The following PNOC variants were observed in gnomAD, a reference collection of about 807,000 sequenced individuals.
PNOC encodes the protein nociceptin.
PNOC carries 10 observed loss-of-function variants against 15.6 expected under a neutral mutation model. The observed-to-expected ratio is 0.64, with a 90% CI of 0.40 to 1.09. The LOEUF is 1.09. Ranked by LOEUF, PNOC falls within the 50% of genes least tolerant of loss-of-function variation. PNOC has a pLI of 0.01. For missense variants in PNOC, 220 were observed against 223.9 expected, an observed-to-expected ratio of 0.98 and a Z score of 0.11; for synonymous variants, 98 against 88.5, an observed-to-expected ratio of 1.11 and a Z score of -0.60.
At chr8:28,328,063 T>C (rs2645724) in intron 1 of PNOC, among the ~76,000 whole-genome samples, 22,799 of 99,200 alleles carry the variant, frequency 0.23, 1,152 homozygotes, top group Non-Finnish European at 0.32. Flanking sequence ...CTCTCTCTTT[T>C]TTTTTTTTTT....
intron 1 of PNOC, among the ~76,000 whole-genome samples, chr8:28,319,794 A>T (rs991231516): frequency 6.6e-6 from 1 of 152,316 alleles, no homozygotes; most frequent in East Asian, 1.9e-4. Context: ...TATCTTAGGA[A>T]AGGGACGGGC....
rs772357396 is a variant in PNOC at position 28,339,389 on chromosome 8, T to C, written c.476T>C (p.Leu159Pro). Residue 159 changes from leucine (L) to proline (P), a missense_variant, in exon 3 of 4, where the codon CTG (leucine) becomes CCG (proline). By Grantham distance (98) the Leu-to-Pro change is moderately conservative. Transcript: ENST00000301908. ...GAGTTTATGAGGCAATACTTGGTCC[T>C]GAGCATGCAGTCCAGCCAGCGCCGG... Reference protein sequence around the residue: ...FSEFMRQYLVLSMQSSQRRRT... With the variant: ...FSEFMRQYLVPSMQSSQRRRT... 3.2e-6 allele frequency: 5 copies of C among 1,575,078 alleles called. No individual in the cohort carries two copies. In the Admixed American group the frequency reaches 5.3e-5, roughly 17 times the overall value.
chr8:28,333,147 T>C (rs1801355318), intron 2 of PNOC, among the ~76,000 whole-genome samples: 2 of 152,214 alleles, frequency 1.3e-5, no homozygotes, highest in Non-Finnish European at 2.9e-5. Flanking sequence ...AGCTCCCAAA[T>C]GTCTCTTGGT....
intron 1 of PNOC, among the ~76,000 whole-genome samples, chr8:28,322,541 T>A (rs1022058255): frequency 6.6e-6 from 1 of 152,172 alleles, no homozygotes; most frequent in East Asian, 1.9e-4. Flanking sequence ...CCACTTCAAG[T>A]TACATCAGCT....
At chr8:28,319,527 A>G in intron 1 of PNOC, among the ~76,000 whole-genome samples, 1 of 152,200 alleles carries the variant, frequency 6.6e-6, no homozygotes, top group Non-Finnish European at 1.5e-5. Context: ...AAATGAGGGC[A>G]AAGGAATTAA....
intron 2 of PNOC, among the ~76,000 whole-genome samples, chr8:28,335,153 C>T (rs1801390834): frequency 6.6e-6 from 1 of 152,228 alleles, no homozygotes; most frequent in Admixed American, 6.5e-5. Context: ...CTGCCTGTCC[C>T]TTCCAGTCCA....
intron 1 of PNOC, among the ~76,000 whole-genome samples, chr8:28,318,671 G>A (rs1801099231): frequency 6.6e-6 from 1 of 152,194 alleles, no homozygotes; most frequent in Non-Finnish European, 1.5e-5. Flanking sequence ...GGCTTGCTGA[G>A]TCTTCTGCAG....
intron 1 of PNOC, among the ~76,000 whole-genome samples, 172 bp from the exon 2 acceptor site, chr8:28,328,963 G>A (rs528691922): frequency 8.5e-5 from 13 of 152,184 alleles, no homozygotes; most frequent in South Asian, 4.2e-4. Context: ...AGGCAGGGTC[G>A]CCTATGGCCT....
chr8:28,323,300 C>T (rs763082623), intron 1 of PNOC, among the ~76,000 whole-genome samples: 3 of 152,174 alleles, frequency 2.0e-5, no homozygotes, highest in East Asian at 1.9e-4. Context: ...CAATATGAGA[C>T]GCTCAGAATA....
At chr8:28,317,506 G>C (rs770166101) in intron 1 of PNOC, among the ~76,000 whole-genome samples, 190 bp downstream of exon 1, 21 of 152,202 alleles carry the variant, frequency 1.4e-4, no homozygotes, top group Non-Finnish European at 2.2e-4. Context: ...GTGGGGAACG[G>C]GGGAGGGCTG....
chr8:28,341,932 CT>C (rs1563332836), intron 3 of PNOC, among the ~76,000 whole-genome samples: 8 of 152,196 alleles, frequency 5.3e-5, no homozygotes, highest in Non-Finnish European at 1.0e-4. Flanking sequence ...ATGGAGATGT[CT>C]CCATCTTGGG....
At chr8:28,327,817 A>T (rs971245232) in intron 1 of PNOC, among the ~76,000 whole-genome samples, 1 of 151,760 alleles carries the variant, frequency 6.6e-6, no homozygotes, top group African/African-American at 2.4e-5. Context: ...TGCCCTGCCA[A>T]CAACAGAAAC....
chr8:28,339,450 A>C lies in PNOC; in HGVS notation c.*6A>C, dbSNP rs778910217. On this transcript the variant is annotated 3_prime_UTR_variant, in exon 3 of 4. Transcript: ENST00000301908. ...ACCAGAATGGTAATGTGTAGCCGGAAGGGGCGCTCCTCCCAGCTGTACCGG... is the reference window on the plus strand; with the variant it reads ...ACCAGAATGGTAATGTGTAGCCGGACGGGGCGCTCCTCCCAGCTGTACCGG... 2.0e-6 allele frequency: 3 copies of C among 1,523,232 alleles called. No individual in the cohort carries two copies. The Admixed American group carries it at 6.2e-5, about 32-fold the overall frequency. 94.4% of individuals were successfully genotyped at this position (1,523,232 alleles called of 1,614,324 possible).
chr8:28,326,456 G>A (rs1304305042), intron 1 of PNOC, among the ~76,000 whole-genome samples: 1 of 152,124 alleles, frequency 6.6e-6, no homozygotes, highest in Non-Finnish European at 1.5e-5. Context: ...AGAAGAACTG[G>A]GGTGGGCTCA....
intron 1 of PNOC, among the ~76,000 whole-genome samples, chr8:28,323,396 T>G (rs1479754516): frequency 6.6e-6 from 1 of 152,216 alleles, no homozygotes; most frequent in Non-Finnish European, 1.5e-5. Flanking sequence ...TCAGGTAACT[T>G]TTGATTTACT....
chr8:28,331,714 C>A (rs1269457942), intron 2 of PNOC, among the ~76,000 whole-genome samples: 1 of 152,206 alleles, frequency 6.6e-6, no homozygotes, highest in Admixed American at 6.5e-5. Context: ...GATTAAGTGT[C>A]CTCTGGTAAG....
chr8:28,335,788 C>A (rs1196244688), intron 2 of PNOC, among the ~76,000 whole-genome samples: 1 of 152,144 alleles, frequency 6.6e-6, no homozygotes, highest in African/African-American at 2.4e-5. Context: ...CTCAGCCTCC[C>A]AAAGTGCTGG....
rs1234450368 is a variant in PNOC at position 28,332,897 on chromosome 8, G to GC, written c.126+3615dup. Reference sequence around the variant, plus strand: ...ACCCAAAAGGCAGAGATTTCAGTGAGCTGAGATCATGCTACTGCACTCCAG... The same window carrying GC: ...ACCCAAAAGGCAGAGATTTCAGTGAGCCTGAGATCATGCTACTGCACTCCAG... On this transcript the variant is annotated intron_variant, in intron 2 of 3. Transcript: ENST00000301908. Among the ~76,000 whole-genome samples, 13 of 152,326 alleles carry GC rather than the reference G, an allele frequency of 8.5e-5. No individual in the cohort carries two copies. In the South Asian group the frequency reaches 2.5e-3, roughly 29 times the overall value.
At chr8:28,329,799 A>T (rs1265597324) in intron 2 of PNOC, among the ~76,000 whole-genome samples, 1 of 152,222 alleles carries the variant, frequency 6.6e-6, no homozygotes, top group Admixed American at 6.5e-5. Context: ...ATACTAATAC[A>T]TCAATGAAAA....
Sources: allele counts gnomAD v4.1 joint callset (sites outside exome capture counted in the v4.1 genomes callset), GRCh38; gene constraint gnomAD v4.1.1; transcripts MANE v1.5; gene names NCBI Gene and HGNC (gene_info 2026-07-23, HGNC 2026-07-21).